Variants in TEAD1 observed in about 807,000 individuals in gnomAD.
The protein encoded by TEAD1 is transcriptional enhancer factor TEF-1.
In TEAD1, 9 loss-of-function variants were observed where a neutral mutation model predicts 54.9. That is an observed-to-expected ratio of 0.16 (90% CI 0.10 to 0.29). The LOEUF is 0.29. Ranked by LOEUF, TEAD1 falls within the 10% of genes least tolerant of loss-of-function variation. The pLI, the probability that TEAD1 is intolerant of heterozygous loss-of-function variation, is 1.00. For synonymous variants in TEAD1, 200 were observed against 187.8 expected (o/e 1.07, Z -0.53); for missense variants, 387 against 535.9 (o/e 0.72, Z 2.74).
At chr11:12,914,847 C>T (rs1948681599) in intron 10 of TEAD1, among the ~76,000 whole-genome samples, 1 of 151,962 alleles carries the variant, frequency 6.6e-6, no homozygotes, top group South Asian at 2.1e-4. Flanking sequence ...TGTGGCAGGC[C>T]TGGACGGCTG....
At position 12,883,145 on chromosome 11, in the gene TEAD1, T is replaced by C; in HGVS notation, c.699+20T>C. 6.2e-7 allele frequency: 1 copy of C among 1,614,026 alleles called. No homozygotes were observed. The highest frequency in any genetic ancestry group is 8.5e-7 in the Non-Finnish European group (1 of 1,180,020). On this transcript the variant is annotated intron_variant, in intron 9 of 12. Transcript: ENST00000527636. ...GACTCGGTGAGTGTGCCCAGAGAGG[T>C]GTGTCTTGAATCCAGGATTTCTTTC...
At chr11:12,704,516 G>A (rs1454378721) in intron 2 of TEAD1, among the ~76,000 whole-genome samples, 1 of 152,216 alleles carries the variant, frequency 6.6e-6, no homozygotes, top group East Asian at 1.9e-4. Flanking sequence ...GCTTCTTTCT[G>A]AAGAGAGGAA....
At chr11:12,707,694 G>A (rs1019259893) in intron 2 of TEAD1, among the ~76,000 whole-genome samples, 2 of 152,184 alleles carry the variant, frequency 1.3e-5, no homozygotes, top group African/African-American at 4.8e-5. Context: ...AAGGTATATT[G>A]AACTGGGCTC....
At chr11:12,814,808 T>A (rs1238364688) in intron 3 of TEAD1, among the ~76,000 whole-genome samples, 1 of 146,754 alleles carries the variant, frequency 6.8e-6, no homozygotes, top group African/African-American at 2.5e-5. Context: ...TGTGTGTGTG[T>A]GTGTGTGTGT....
intron 2 of TEAD1, among the ~76,000 whole-genome samples, chr11:12,698,274 G>T (rs1708971644): frequency 6.6e-6 from 1 of 152,104 alleles, no homozygotes; most frequent in African/African-American, 2.4e-5. Flanking sequence ...TGCCATGCCT[G>T]CTCCTTCCTT....
At chr11:12,841,827 G>A (rs1464664855) in intron 3 of TEAD1, among the ~76,000 whole-genome samples, 2 of 152,172 alleles carry the variant, frequency 1.3e-5, no homozygotes, top group Non-Finnish European at 2.9e-5. Context: ...GGCTCACAAA[G>A]GCTGATAACT....
chr11:12,933,928 A>G (rs1949054667), intron 12 of TEAD1, among the ~76,000 whole-genome samples: 2 of 152,194 alleles, frequency 1.3e-5, no homozygotes, highest in South Asian at 2.1e-4. Flanking sequence ...ACACTTTTAC[A>G]CTGTTGTTGG....
chr11:12,842,310 C>A (rs1590203652), intron 3 of TEAD1, among the ~76,000 whole-genome samples: 2 of 152,172 alleles, frequency 1.3e-5, no homozygotes, highest in South Asian at 4.1e-4. Flanking sequence ...AAAACCCTTA[C>A]ACTGTTGCTG....
intron 2 of TEAD1, among the ~76,000 whole-genome samples, chr11:12,712,362 C>G (rs112013318): frequency 0.02 from 3,029 of 152,242 alleles, 114 homozygotes; most frequent in African/African-American, 0.069. Context: ...GTGAGAACCA[C>G]TGACATTTTA....
At chr11:12,897,651 G>A (rs1429358304) in intron 9 of TEAD1, among the ~76,000 whole-genome samples, 1 of 152,184 alleles carries the variant, frequency 6.6e-6, no homozygotes, top group East Asian at 1.9e-4. Flanking sequence ...GGCAAAGACA[G>A]CCTGCCCCTT....
intron 10 of TEAD1, among the ~76,000 whole-genome samples, chr11:12,915,920 A>G (rs1948704430): frequency 6.6e-6 from 1 of 152,220 alleles, no homozygotes; most frequent in Admixed American, 6.5e-5. Flanking sequence ...CCAGACTCTT[A>G]TCTGGGGACT....
chr11:12,830,890 C>G (rs1297413257), intron 3 of TEAD1, among the ~76,000 whole-genome samples: 1 of 151,762 alleles, frequency 6.6e-6, no homozygotes. Flanking sequence ...CATCTCTGCC[C>G]CCATCCGCTG....
chr11:12,805,380 G>T (rs1302855635), intron 3 of TEAD1, among the ~76,000 whole-genome samples: 8 of 152,146 alleles, frequency 5.3e-5, no homozygotes, highest in African/African-American at 1.9e-4. Context: ...TTTAACTGCA[G>T]GAAGTCTTCA....
chr11:12,844,345 G>GT (rs1185463156), intron 3 of TEAD1, among the ~76,000 whole-genome samples: 6 of 152,224 alleles, frequency 3.9e-5, no homozygotes, highest in Admixed American at 2.0e-4. Context: ...TTTCCTCATA[G>GT]TTTTTTCTTT....
At chr11:12,744,882 C>A (rs1944715840) in intron 2 of TEAD1, among the ~76,000 whole-genome samples, 1 of 152,126 alleles carries the variant, frequency 6.6e-6, no homozygotes, top group African/African-American at 2.4e-5. Context: ...CCCAGGCTTC[C>A]AGACTGCACG....
At chr11:12,911,672 A>G (rs926862719) in intron 10 of TEAD1, among the ~76,000 whole-genome samples, 1 of 145,048 alleles carries the variant, frequency 6.9e-6, no homozygotes, top group Non-Finnish European at 1.5e-5. Flanking sequence ...CTGTGGTTAC[A>G]TGAGTCTTTT....
rs116095301 is a variant in TEAD1 at position 12,739,551 on chromosome 11, C to T, written c.-54-24628C>T. Among the ~76,000 whole-genome samples, 455 of 152,214 alleles carry T rather than the reference C, an allele frequency of 3.0e-3. 1 individual carries two copies. The highest frequency in any genetic ancestry group is 9.9e-3 in the African/African-American group (410 of 41,532). ...CCTACTGTATTTGTCCTTTTGTGAC[C>T]GGCTTAATTCACTTAGCATAATCTC... On this transcript the variant is annotated intron_variant, in intron 2 of 12. Coordinates refer to ENST00000527636, the MANE Select transcript of TEAD1 (RefSeq NM_021961.6).
chr11:12,776,072 A>G, intron 3 of TEAD1, among the ~76,000 whole-genome samples: 1 of 151,926 alleles, frequency 6.6e-6, no homozygotes, highest in East Asian at 1.9e-4. Flanking sequence ...TGGGTGGCTG[A>G]GGTATCAAGC....
intron 2 of TEAD1, among the ~76,000 whole-genome samples, chr11:12,717,150 G>A (rs995485794): frequency 2.0e-5 from 3 of 152,240 alleles, no homozygotes; most frequent in African/African-American, 4.8e-5. Flanking sequence ...ACTGATCATA[G>A]ACTATAATAT....
Sources: allele counts gnomAD v4.1 joint callset (sites outside exome capture counted in the v4.1 genomes callset), GRCh38; gene constraint gnomAD v4.1.1; transcripts MANE v1.5; gene names NCBI Gene and HGNC (gene_info 2026-07-23, HGNC 2026-07-21).